MEGF9: variants seen among roughly 807,000 people sequenced by gnomAD.
MEGF9 encodes multiple EGF like domains 9, also known as multiple epidermal growth factor-like domains protein 9.
Under a neutral mutation model 46.8 loss-of-function variants are expected in MEGF9, and 6 were observed. That is an observed-to-expected ratio of 0.13 (90% CI 0.07 to 0.25). MEGF9 has a LOEUF of 0.25. Among genes scored for constraint, MEGF9 ranks in the 10% least tolerant of loss-of-function variants. The pLI is 1.00. For synonymous variants in MEGF9, 302 were observed against 330.7 expected (o/e 0.91, Z 0.94); for missense variants, 683 against 792.4 (o/e 0.86, Z 1.66).
chr9:120,663,448 G>A lies in MEGF9; in HGVS notation c.602-3873C>T, dbSNP rs1346324698. On this transcript the variant is annotated intron_variant, in intron 1 of 5. Transcript: ENST00000373930. ...GCGGAACCAGATAGGAGTTAATGCA[G>A]AAATAATGCAATCCCCTTAGTAAAA... Among the ~76,000 whole-genome samples the A allele has an allele frequency of 2.6e-5, 4 of 152,200 alleles. 1 individual carries two copies. Among genetic ancestry groups the A allele is most frequent in the Admixed American group, 2.6e-4 (4 of 15,270 alleles).
rs2043969850 is a variant in MEGF9, at chr9:120,714,431, G to GCCA, written c.-74_-73insTGG. 2 of 1,178,022 alleles carry GCCA rather than the reference G, an allele frequency of 1.7e-6. No homozygotes were observed. Among genetic ancestry groups the GCCA allele is most frequent in the Non-Finnish European group, 2.1e-6 (2 of 933,852 alleles). 73.0% of individuals were successfully genotyped at this position (1,178,022 alleles called of 1,614,324 possible). On this transcript the variant is annotated 5_prime_UTR_variant, in exon 1 of 6. Coordinates refer to ENST00000373930, the MANE Select transcript of MEGF9 (RefSeq NM_001080497.3). ...GACCAAGGAAGCCTCCGCAACCGCC[G>GCCA]CCGCCACCGCCACCGGGCGCACCAT...
At chr9:120,712,734 A>G (rs183942550) in intron 1 of MEGF9, among the ~76,000 whole-genome samples, 7 of 152,354 alleles carry the variant, frequency 4.6e-5, no homozygotes, top group Admixed American at 4.6e-4. Flanking sequence ...CCTAAGATTT[A>G]GGTCAGAGAC....
intron 3 of MEGF9, among the ~76,000 whole-genome samples, chr9:120,618,610 TTTTTAGGC>T (rs1205609842): frequency 6.6e-6 from 1 of 152,042 alleles, no homozygotes; most frequent in Non-Finnish European, 1.5e-5. Flanking sequence ...CTCATTAAGA[TTTTTAGGC>T]TGGGCTCCGT....
intron 2 of MEGF9, among the ~76,000 whole-genome samples, chr9:120,633,864 T>C (rs952866866): frequency 6.6e-6 from 1 of 152,182 alleles, no homozygotes; most frequent in Non-Finnish European, 1.5e-5. Context: ...CAGGAGTATA[T>C]TAATTTTTGT....
intron 2 of MEGF9, among the ~76,000 whole-genome samples, chr9:120,648,249 C>T (rs947782759): frequency 6.6e-6 from 1 of 151,454 alleles, no homozygotes; most frequent in Admixed American, 6.6e-5. Context: ...CATGGTTTGG[C>T]CCCGTTTATT....
At chr9:120,682,872 G>A (rs1245308248) in intron 1 of MEGF9, among the ~76,000 whole-genome samples, 8 of 152,054 alleles carry the variant, frequency 5.3e-5, no homozygotes, top group Non-Finnish European at 1.0e-4. Flanking sequence ...ATGAGCCACC[G>A]CACCCAGCCC....
intron 2 of MEGF9, among the ~76,000 whole-genome samples, chr9:120,655,001 CAA>C (rs1427325889): frequency 1.3e-5 from 2 of 152,068 alleles, no homozygotes; most frequent in South Asian, 2.1e-4. Flanking sequence ...TAAGTGTTAT[CAA>C]AAAGAGTCAA....
intron 2 of MEGF9, among the ~76,000 whole-genome samples, chr9:120,634,657 A>C (rs2043566327): frequency 6.6e-6 from 1 of 151,966 alleles, no homozygotes; most frequent in Non-Finnish European, 1.5e-5. Flanking sequence ...GCATATAGTT[A>C]GGCCATATCT....
At chr9:120,704,470 G>C (rs1018737397) in intron 1 of MEGF9, among the ~76,000 whole-genome samples, 12 of 152,040 alleles carry the variant, frequency 7.9e-5, no homozygotes, top group African/African-American at 2.9e-4. Context: ...ATAGTGTCTA[G>C]GAAAGAAAAT....
intron 1 of MEGF9, among the ~76,000 whole-genome samples, chr9:120,676,104 A>G (rs1263259142): frequency 3.3e-5 from 5 of 152,038 alleles, no homozygotes; most frequent in Non-Finnish European, 7.4e-5. Context: ...TTTATCCTAA[A>G]AATTAATGCA....
intron 1 of MEGF9, among the ~76,000 whole-genome samples, chr9:120,709,183 T>G (rs2043941623): frequency 6.6e-6 from 1 of 151,862 alleles, no homozygotes; most frequent in African/African-American, 2.4e-5. Flanking sequence ...TCCCAGCACT[T>G]TCGGAGGCTG....
At chr9:120,667,281 T>C (rs891536015) in intron 1 of MEGF9, among the ~76,000 whole-genome samples, 13 of 152,352 alleles carry the variant, frequency 8.5e-5, no homozygotes, top group Middle Eastern at 3.4e-3. Flanking sequence ...TTCAGCTGAT[T>C]ATTGCATAAG....
At chr9:120,691,410 G>A (rs551952052) in intron 1 of MEGF9, 23 of 481,596 alleles carry the variant, frequency 4.8e-5, no homozygotes, top group South Asian at 6.3e-5. Flanking sequence ...GTATCTTTAC[G>A]TTACTCTCAC....
intron 5 of MEGF9, among the ~76,000 whole-genome samples, chr9:120,607,463 T>C (rs1416575864): frequency 2.0e-5 from 3 of 152,200 alleles, no homozygotes; most frequent in Non-Finnish European, 4.4e-5. Context: ...GATAGGATTC[T>C]TAAATTATTA....
intron 1 of MEGF9, among the ~76,000 whole-genome samples, chr9:120,713,141 T>G (rs1257097944): frequency 1.3e-5 from 2 of 152,256 alleles, no homozygotes; most frequent in African/African-American, 4.8e-5. Flanking sequence ...GATACACACC[T>G]GTCCCAAATG....
At chr9:120,611,883 G>GAA (rs1554794261) in intron 4 of MEGF9, among the ~76,000 whole-genome samples, 36 of 150,150 alleles carry the variant, frequency 2.4e-4, no homozygotes, top group African/African-American at 7.9e-4. Context: ...GAGAGAGAGA[G>GAA]AGAAAGAAAG....
chr9:120,668,350 C>G (rs1478351041), intron 1 of MEGF9, among the ~76,000 whole-genome samples: 1 of 152,126 alleles, frequency 6.6e-6, no homozygotes, highest in East Asian at 1.9e-4. Flanking sequence ...TTAAACTAGA[C>G]TTTGTAGAGA....
Position 120,714,264 on chromosome 9 carries a change from ACGGCGGCGGCGG to A in MEGF9, c.83_94del (p.Ala28_Ala31del), listed in dbSNP as rs369989873. 1.5e-5 allele frequency: 18 copies of A among 1,238,368 alleles called. No individual in the cohort carries two copies. The highest frequency in any genetic ancestry group is 1.0e-4 in the East Asian group (3 of 30,018). The allele number at this position is 1,238,368 out of a possible 1,614,324, so 76.7% of individuals were successfully genotyped here. The stretch of plus-strand genomic sequence containing the variant: ...ATTCCCCGCCGAGGCGGCTGAGGCG[ACGGCGGCGGCGG>A]CGGCGGCGGCGGCGCAGCACAACAG... On this transcript the variant is annotated inframe_deletion, in exon 1 of 6. Transcript: ENST00000373930.
At chr9:120,622,383 TCC>T in intron 3 of MEGF9, among the ~76,000 whole-genome samples, 1 of 151,848 alleles carries the variant, frequency 6.6e-6, no homozygotes, top group Non-Finnish European at 1.5e-5. Context: ...GAATTTTAGT[TCC>T]TATAGTTCTC....
Sources: gnomAD v4.1 joint callset for allele counts (sites outside exome capture counted in the v4.1 genomes callset) on GRCh38, gnomAD v4.1.1 for gene constraint, MANE v1.5 for transcripts, NCBI Gene and HGNC (gene_info 2026-07-23, HGNC 2026-07-21) for gene names.